The following FUT8 variants were observed in gnomAD, a reference collection of about 807,000 sequenced individuals.
FUT8 encodes the protein fucosyltransferase 8, also known as alpha-(1,6)-fucosyltransferase.
Under a neutral mutation model 71.3 loss-of-function variants are expected in FUT8, and 29 were observed. That is an observed-to-expected ratio of 0.41 (90% confidence interval 0.30 to 0.55). The LOEUF (loss-of-function observed/expected upper bound fraction) is 0.55. Among genes scored for constraint, FUT8 ranks in the 20% least tolerant of loss-of-function variants. The probability of loss-of-function intolerance (pLI) is 0.34; values close to 1 mark genes in which losing one functional copy is unlikely to be tolerated. For synonymous variants in FUT8, 254 were observed against 239.3 expected (o/e 1.06, Z -0.57); for missense variants, 544 against 702.1 (o/e 0.77, Z 2.55).
At chr14:65,442,199 C>T (rs1453296980) in intron 1 of FUT8, among the ~76,000 whole-genome samples, 1 of 146,928 alleles carries the variant, frequency 6.8e-6, no homozygotes, top group Non-Finnish European at 1.5e-5. Context: ...TTTTTTGAGG[C>T]TGAGTCTTGC....
intron 10 of FUT8, among the ~76,000 whole-genome samples, chr14:65,737,784 T>G (rs1342964724): frequency 6.6e-6 from 1 of 152,068 alleles, no homozygotes; most frequent in Non-Finnish European, 1.5e-5. Flanking sequence ...TTTTTCCCCC[T>G]ATGACACCTC....
intron 2 of FUT8, among the ~76,000 whole-genome samples, chr14:65,482,117 G>A (rs1213585158): frequency 1.3e-5 from 2 of 152,088 alleles, no homozygotes; most frequent in Admixed American, 1.3e-4. Context: ...TTATGGTTTT[G>A]TATTTAGACC....
the FUT8 span, among the ~76,000 whole-genome samples, chr14:65,377,295 T>C: frequency 1.3e-5 from 2 of 152,146 alleles, no homozygotes; most frequent in East Asian, 1.9e-4. Context: ...ACCAGGTTAT[T>C]TGATTGTAGG....
At chr14:65,594,355 G>A (rs755000593) in intron 3 of FUT8, among the ~76,000 whole-genome samples, 1 of 152,208 alleles carries the variant, frequency 6.6e-6, no homozygotes, top group East Asian at 1.9e-4. Flanking sequence ...CTGCTTCAGC[G>A]ATGACAGGAG....
At chr14:65,545,683 A>T (rs1247255194) in intron 2 of FUT8, among the ~76,000 whole-genome samples, 2 of 151,768 alleles carry the variant, frequency 1.3e-5, no homozygotes, top group Admixed American at 6.6e-5. Flanking sequence ...TTATAACTGC[A>T]GTGTATATTT....
At chr14:65,511,465 A>G (rs1882335702) in intron 2 of FUT8, among the ~76,000 whole-genome samples, 1 of 152,176 alleles carries the variant, frequency 6.6e-6, no homozygotes, top group African/African-American at 2.4e-5. Flanking sequence ...TGCCTGGAAG[A>G]TCTGTTCAGT....
chr14:65,722,875 G>A (rs914185989), intron 8 of FUT8, among the ~76,000 whole-genome samples: 2 of 152,034 alleles, frequency 1.3e-5, no homozygotes, highest in African/African-American at 4.8e-5. Context: ...CCTTAAGTTT[G>A]GCCCATATAC....
rs571334030 is a variant in FUT8 at position 65,616,425 on chromosome 14, A to G, written c.482+52A>G. 6.2e-5 allele frequency: 87 copies of G among 1,409,296 alleles called. 1 individual carries two copies. The South Asian group carries it at 1.1e-3, about 18-fold the overall frequency. 87.3% of individuals were successfully genotyped at this position (1,409,296 alleles called of 1,614,324 possible). A position where few individuals can be genotyped will look rare whatever the true frequency, so the allele number is the denominator to read the frequency against. The stretch of plus-strand genomic sequence containing the variant: ...TGGGCTTTAGAAAAGATTATAATCT[A>G]AGAATGAGAAACAGACTTGTTAATC... On this transcript the variant is annotated intron_variant, in intron 5 of 10. Transcript: ENST00000673929.
chr14:65,494,161 T>C (rs977431246), intron 2 of FUT8, among the ~76,000 whole-genome samples: 1 of 152,192 alleles, frequency 6.6e-6, no homozygotes, highest in African/African-American at 2.4e-5. Flanking sequence ...TTTTGTTAGC[T>C]ACATTTAAAA....
In FUT8 at chr14:65,452,754, G is replaced by GTAAC. The variant is rs1406878186; in HGVS notation, c.-325-2867_-325-2866insTAAC. ...AATAATTAGAGCTCACACATGGTTA[G>GTAAC]GAGTAGGGCCTGAATCCATCAGACA... On this transcript the variant is annotated intron_variant, in intron 1 of 10. Transcript: ENST00000673929. Among the ~76,000 whole-genome samples, 6 of 152,336 alleles carry GTAAC rather than the reference G, an allele frequency of 3.9e-5. No individual in the cohort carries two copies. In the Middle Eastern group the frequency reaches 0.01, roughly 259 times the overall value.
chr14:65,602,309 C>A (rs1888328157), intron 3 of FUT8, among the ~76,000 whole-genome samples: 1 of 133,102 alleles, frequency 7.5e-6, no homozygotes, highest in Non-Finnish European at 1.6e-5. Flanking sequence ...CCATTAAATT[C>A]ATTCATTTTC....
At chr14:65,420,463 A>G (rs1230767836) in intron 1 of FUT8, among the ~76,000 whole-genome samples, 1 of 152,110 alleles carries the variant, frequency 6.6e-6, no homozygotes, top group East Asian at 1.9e-4. Flanking sequence ...AGAGTAGTAC[A>G]GAAGTACCTG....
intron 2 of FUT8, among the ~76,000 whole-genome samples, chr14:65,503,011 A>G (rs1318258928): frequency 6.6e-6 from 1 of 152,062 alleles, no homozygotes; most frequent in Non-Finnish European, 1.5e-5. Flanking sequence ...TTGGACTTGG[A>G]TGGTTGAGTG....
At position 65,455,685 on chromosome 14, in the gene FUT8, T is replaced by C; in HGVS notation, c.-261T>C. 2.5e-6 allele frequency: 1 copy of C among 398,356 alleles called. No homozygotes were observed. Among genetic ancestry groups the C allele is most frequent in the Non-Finnish European group, 4.4e-6 (1 of 225,926 alleles). 24.7% of individuals were successfully genotyped at this position (398,356 alleles called of 1,614,324 possible). On this transcript the variant is annotated 5_prime_UTR_variant, in exon 2 of 11. Transcript: ENST00000673929. The stretch of plus-strand genomic sequence containing the variant: ...GTCTTTTTGTTCAAGATAAAGTGAT[T>C]TTTTGCCTTTGTTGATTAACTGGAC...
chr14:65,423,687 C>T (rs961135729), intron 1 of FUT8, among the ~76,000 whole-genome samples: 2 of 152,174 alleles, frequency 1.3e-5, no homozygotes, highest in African/African-American at 4.8e-5. Context: ...TCAAGCCATC[C>T]GTGGCTGGCA....
the FUT8 span, among the ~76,000 whole-genome samples, chr14:65,374,175 C>T: frequency 6.6e-6 from 1 of 152,126 alleles, no homozygotes; most frequent in African/African-American, 2.4e-5. Flanking sequence ...GTCTAATGCT[C>T]TGTTTGTCTT....
rs10142126 is a variant in FUT8 at position 65,426,240 on chromosome 14, T to A, written c.-326+13026T>A. ...TTGTCTTTTTCTGCCAGTCCTATTT[T>A]ACTTAGCCTAATGTCCTTCGGGTTC... is the stretch of plus-strand genomic sequence containing the variant. On this transcript the variant is annotated intron_variant, in intron 1 of 10. Transcript: ENST00000673929. 9.7e-3 allele frequency among the ~76,000 whole-genome samples: 1,480 copies of A among 152,276 alleles called. 25 individuals are homozygous for A. Among genetic ancestry groups the A allele is most frequent in the African/African-American group, 0.034 (1,420 of 41,544 alleles).
At position 65,413,842 on chromosome 14, in the gene FUT8, C is replaced by T. The variant is rs7143141; in HGVS notation, c.-326+628C>T. On this transcript the variant is annotated intron_variant, in intron 1 of 10. Coordinates refer to ENST00000673929, the MANE Select transcript of FUT8 (RefSeq NM_001371533.1). The surrounding 1 kb of genome is among the most constrained non-coding windows in gnomAD (Gnocchi z 4.1). Reference sequence around the variant, plus strand: ...GAAGGTTAAATGAGTCCATATTTATCAGTTCTAGGAGGTTTGTCCTGCAGG... The same window carrying T: ...GAAGGTTAAATGAGTCCATATTTATTAGTTCTAGGAGGTTTGTCCTGCAGG... Among the ~76,000 whole-genome samples the T allele has an allele frequency of 4.1e-4, 63 of 152,190 alleles. No individual in the cohort carries two copies. The highest frequency in any genetic ancestry group is 1.4e-3 in the African/African-American group (57 of 41,516).
At chr14:65,463,163 A>G (rs1176745811) in intron 2 of FUT8, among the ~76,000 whole-genome samples, 1 of 152,260 alleles carries the variant, frequency 6.6e-6, no homozygotes, top group African/African-American at 2.4e-5. Flanking sequence ...CAGAATATAG[A>G]AATTAAATAG....
Sources: allele counts gnomAD v4.1 joint callset (sites outside exome capture counted in the v4.1 genomes callset), GRCh38; gene constraint gnomAD v4.1.1; non-coding constraint Gnocchi (gnomAD v3.1); transcripts MANE v1.5; gene names NCBI Gene and HGNC (gene_info 2026-07-23, HGNC 2026-07-21).